Variants in FUT9 observed in about 807,000 individuals in gnomAD.
FUT9 encodes the protein 4-galactosyl-N-acetylglucosaminide 3-alpha-L-fucosyltransferase 9.
In FUT9, 15 loss-of-function variants were observed where a neutral mutation model predicts 29.7. The ratio of observed to expected loss-of-function variants is 0.51; its 90% CI spans 0.34 to 0.78. FUT9 has a LOEUF of 0.78. Ranked by LOEUF, FUT9 falls within the 30% of genes least tolerant of loss-of-function variation. The pLI, the probability that FUT9 is intolerant of heterozygous loss-of-function variation, is 0.01. For missense variants in FUT9, 319 were observed against 425.4 expected, an observed-to-expected ratio of 0.75 and a Z score of 2.20; for synonymous variants, 169 against 153.7, an observed-to-expected ratio of 1.10 and a Z score of -0.74.
intron 1 of FUT9, among the ~76,000 whole-genome samples, chr6:96,095,961 T>C (rs1771487994): frequency 6.6e-6 from 1 of 152,166 alleles, no homozygotes; most frequent in African/African-American, 2.4e-5. Context: ...AAGAGCATAA[T>C]GTCCAGCAAT....
chr6:96,116,762 A>G (rs1263369001), intron 2 of FUT9, among the ~76,000 whole-genome samples: 2 of 152,178 alleles, frequency 1.3e-5, no homozygotes, highest in South Asian at 2.1e-4. Context: ...TGGGAAGCAG[A>G]TCAGTGGTTG....
intron 1 of FUT9, among the ~76,000 whole-genome samples, chr6:96,033,550 A>T (rs578150330): frequency 6.6e-6 from 1 of 151,672 alleles, no homozygotes; most frequent in Non-Finnish European, 1.5e-5. Context: ...AAATTGTCCA[A>T]ATCCCTGGAA....
At chr6:96,155,071 C>T (rs1048279647) in intron 2 of FUT9, among the ~76,000 whole-genome samples, 2 of 152,162 alleles carry the variant, frequency 1.3e-5, no homozygotes, top group Non-Finnish European at 2.9e-5. Flanking sequence ...AGAAAAATGA[C>T]CCCCAATCAG....
At chr6:96,202,808 T>A (rs1299584320) in intron 2 of FUT9, among the ~76,000 whole-genome samples, 1 of 152,160 alleles carries the variant, frequency 6.6e-6, no homozygotes, top group Non-Finnish European at 1.5e-5. Context: ...TACTAAAAAT[T>A]TTAGTCATGG....
chr6:96,197,231 T>A (rs923304605), intron 2 of FUT9, among the ~76,000 whole-genome samples: 2 of 152,020 alleles, frequency 1.3e-5, no homozygotes, highest in Admixed American at 6.6e-5. Flanking sequence ...AATCAGGGAC[T>A]TATTATTACC....
chr6:96,141,880 T>C (rs1283292975), intron 2 of FUT9, among the ~76,000 whole-genome samples: 1 of 152,200 alleles, frequency 6.6e-6, no homozygotes, highest in East Asian at 1.9e-4. Context: ...TTGACTACAG[T>C]TTAAAATTTC....
chr6:96,053,004 C>A (rs1477136749), intron 1 of FUT9, among the ~76,000 whole-genome samples: 1 of 151,456 alleles, frequency 6.6e-6, no homozygotes, highest in Non-Finnish European at 1.5e-5. Flanking sequence ...GCCATGCACA[C>A]CACAAAGCCC....
intron 1 of FUT9, among the ~76,000 whole-genome samples, chr6:96,039,363 C>T (rs948521433): frequency 2.0e-5 from 3 of 152,200 alleles, no homozygotes; most frequent in East Asian, 1.9e-4. Flanking sequence ...ACAACAATCA[C>T]GTTCGTGCTT....
chr6:96,047,751 A>G (rs927566376), intron 1 of FUT9, among the ~76,000 whole-genome samples: 3 of 152,238 alleles, frequency 2.0e-5, no homozygotes, highest in Admixed American at 6.5e-5. Context: ...GTGAGAAAAT[A>G]TAAGATGACT....
intron 2 of FUT9, among the ~76,000 whole-genome samples, chr6:96,140,186 C>T (rs1772436257): frequency 6.6e-6 from 1 of 152,190 alleles, no homozygotes; most frequent in Non-Finnish European, 1.5e-5. Flanking sequence ...ATGACCTTTA[C>T]TCCAGTTCCC....
chr6:96,158,254 T>C (rs1772827207), intron 2 of FUT9, among the ~76,000 whole-genome samples: 1 of 152,114 alleles, frequency 6.6e-6, no homozygotes, highest in South Asian at 2.1e-4. Flanking sequence ...TTTAATGGTC[T>C]TTAATTCATT....
chr6:96,127,198 C>T lies in FUT9; in HGVS notation c.-9+13071C>T, dbSNP rs114431671. On this transcript the variant is annotated intron_variant, in intron 2 of 2. Transcript: ENST00000302103. ...CCTCACCCTCCTCCTATCTTCCACC[C>T]TCAAGTAGGCCCCAGTGGCTGGCTT... Among the ~76,000 whole-genome samples, 1,056 of 152,222 alleles carry T rather than the reference C, an allele frequency of 6.9e-3. 12 individuals carry two copies. The highest frequency in any genetic ancestry group is 0.024 in the African/African-American group (1,005 of 41,536).
chr6:96,207,384 G>A lies in FUT9; in HGVS notation c.*3149G>A, dbSNP rs1399138945. 1 of 166,906 alleles carries A rather than the reference G, an allele frequency of 6.0e-6. No individual in the cohort carries two copies. Among genetic ancestry groups the A allele is most frequent in the Non-Finnish European group, 1.5e-5 (1 of 68,070 alleles). 10.3% of individuals were successfully genotyped at this position (166,906 alleles called of 1,614,324 possible). A position where few individuals can be genotyped will look rare whatever the true frequency, so the allele number is the denominator to read the frequency against. ...TTTTACAAATGTGAATGTCTTATTGGTATTTTTAGGGCCTATAGAATGGTA... is the reference window on the plus strand; with the variant it reads ...TTTTACAAATGTGAATGTCTTATTGATATTTTTAGGGCCTATAGAATGGTA... On this transcript the variant is annotated 3_prime_UTR_variant, in exon 3 of 3. Transcript: ENST00000302103.
chr6:96,039,949 A>T (rs79220572), intron 1 of FUT9, among the ~76,000 whole-genome samples: 1,669 of 150,876 alleles, frequency 0.011, 31 homozygotes, highest in African/African-American at 0.039. Context: ...AATTCAAACT[A>T]TTTTTTTTTC....
At chr6:96,166,017 A>T (rs1455364839) in intron 2 of FUT9, among the ~76,000 whole-genome samples, 1 of 152,198 alleles carries the variant, frequency 6.6e-6, no homozygotes, top group Non-Finnish European at 1.5e-5. Flanking sequence ...GTGTAAAAAA[A>T]TCCCCCAAGG....
At chr6:96,139,718 G>A (rs552275299) in intron 2 of FUT9, among the ~76,000 whole-genome samples, 66 of 152,242 alleles carry the variant, frequency 4.3e-4, no homozygotes, top group African/African-American at 1.4e-3. Flanking sequence ...AGCTGCCAAG[G>A]TTTGGAGCTT....
intron 2 of FUT9, among the ~76,000 whole-genome samples, chr6:96,167,971 G>C (rs1773044332): frequency 6.6e-6 from 1 of 152,122 alleles, no homozygotes; most frequent in Non-Finnish European, 1.5e-5. Flanking sequence ...GTTGAAGATA[G>C]AGCCAACTGT....
At chr6:96,111,931 C>T (rs983665998) in intron 1 of FUT9, among the ~76,000 whole-genome samples, 1 of 152,080 alleles carries the variant, frequency 6.6e-6, no homozygotes, top group African/African-American at 2.4e-5. Context: ...ACTTTATATG[C>T]AATATTGTGT....
At chr6:96,017,319 G>T (rs1769997544) in intron 1 of FUT9, among the ~76,000 whole-genome samples, 1 of 152,188 alleles carries the variant, frequency 6.6e-6, no homozygotes, top group Admixed American at 6.5e-5. Flanking sequence ...GAGTTGTGTA[G>T]TATCTTAGCA....
Sources: allele counts gnomAD v4.1 joint callset (sites outside exome capture counted in the v4.1 genomes callset), GRCh38; gene constraint gnomAD v4.1.1; transcripts MANE v1.5; gene names NCBI Gene and HGNC (gene_info 2026-07-23, HGNC 2026-07-21).